OPCML: variants seen among roughly 807,000 people sequenced by gnomAD.
OPCML encodes opioid binding protein/cell adhesion molecule like.
OPCML carries 13 observed loss-of-function variants against 37.8 expected under a neutral mutation model. The ratio of observed to expected loss-of-function variants is 0.34; its 90% CI spans 0.22 to 0.55. The LOEUF (loss-of-function observed/expected upper bound fraction) is 0.55, where lower values mean the gene tolerates loss of function less well. Ranked by LOEUF, OPCML falls within the 20% of genes least tolerant of loss-of-function variation. OPCML has a pLI of 0.91. For missense variants in OPCML, 341 were observed against 435.6 expected, an observed-to-expected ratio of 0.78 and a Z score of 1.93; for synonymous variants, 176 against 168.8, an observed-to-expected ratio of 1.04 and a Z score of -0.33.
At chr11:133,233,486 A>G (rs1565520157) in intron 1 of OPCML, among the ~76,000 whole-genome samples, 1 of 152,116 alleles carries the variant, frequency 6.6e-6, no homozygotes, top group Non-Finnish European at 1.5e-5. Flanking sequence ...AAACAACCCA[A>G]CTAAAACACC....
chr11:132,809,304 G>A (rs750485295), intron 2 of OPCML, among the ~76,000 whole-genome samples: 1 of 152,182 alleles, frequency 6.6e-6, no homozygotes, highest in Non-Finnish European at 1.5e-5. Flanking sequence ...AGACAGAGGA[G>A]AGCAGTGAGC....
chr11:132,541,556 A>G (rs1392094688), intron 3 of OPCML, among the ~76,000 whole-genome samples: 3 of 151,358 alleles, frequency 2.0e-5, no homozygotes, highest in African/African-American at 7.3e-5. Flanking sequence ...ATTTATTGAG[A>G]ACTTAATAAG....
chr11:132,570,837 A>G (rs1181111618), intron 3 of OPCML, among the ~76,000 whole-genome samples: 1 of 134,482 alleles, frequency 7.4e-6, no homozygotes, highest in Non-Finnish European at 1.6e-5. Flanking sequence ...TACTTTAGGC[A>G]TGTTGATCAA....
intron 3 of OPCML, among the ~76,000 whole-genome samples, chr11:132,638,311 G>T (rs1186939649): frequency 1.3e-5 from 2 of 151,522 alleles, no homozygotes; most frequent in African/African-American, 2.4e-5. Context: ...GTATTTAATA[G>T]CTATAATAGA....
chr11:133,370,675 T>C (rs1428224469), intron 1 of OPCML, among the ~76,000 whole-genome samples: 3 of 152,044 alleles, frequency 2.0e-5, no homozygotes, highest in Non-Finnish European at 4.4e-5. Flanking sequence ...CAACTCAAGA[T>C]GGTATAAATA....
At chr11:132,647,615 T>C (rs1941221275) in intron 3 of OPCML, among the ~76,000 whole-genome samples, 1 of 152,206 alleles carries the variant, frequency 6.6e-6, no homozygotes, top group African/African-American at 2.4e-5. Flanking sequence ...ATATTTACTG[T>C]TCATTAAGTG....
chr11:132,435,034 G>T (rs1441355451), intron 7 of OPCML: 4 of 478,726 alleles, frequency 8.4e-6, no homozygotes, highest in South Asian at 6.5e-5. Context: ...GCCCCTTGAG[G>T]TCTATCTACC....
At chr11:133,304,185 G>A (rs879330752) in intron 1 of OPCML, among the ~76,000 whole-genome samples, 1 of 152,182 alleles carries the variant, frequency 6.6e-6, no homozygotes, top group Admixed American at 6.5e-5. Flanking sequence ...TCTAGCATGG[G>A]TAGGCCCATA....
At chr11:132,657,406 C>T in intron 2 of OPCML, 87 bp from the exon 3 acceptor site, 4 of 1,494,090 alleles carry the variant, frequency 2.7e-6, no homozygotes, top group Non-Finnish European at 3.6e-6. Flanking sequence ...TAAGACGTTG[C>T]ATTTTGAGGA....
chr11:133,479,811 A>C (rs6590712), intron 1 of OPCML, among the ~76,000 whole-genome samples: 57,268 of 151,980 alleles, frequency 0.38, 15,942 homozygotes, highest in African/African-American at 0.79. Flanking sequence ...TATCTTTGGA[A>C]TCCACCCCCA....
intron 2 of OPCML, among the ~76,000 whole-genome samples, chr11:132,900,883 T>G (rs550111696): frequency 6.6e-6 from 1 of 152,288 alleles, no homozygotes; most frequent in South Asian, 2.1e-4. Context: ...CACTTCAGTT[T>G]GTGTTATTAT....
intron 4 of OPCML, among the ~76,000 whole-genome samples, chr11:132,496,961 C>CTT (rs2096233192): frequency 6.6e-6 from 1 of 152,028 alleles, no homozygotes; most frequent in Non-Finnish European, 1.5e-5. Flanking sequence ...AATTTAAAAG[C>CTT]CTAACAATGA....
Position 133,528,131 on chromosome 11 carries a change from C to G in OPCML, c.61+4133G>C, listed in dbSNP as rs959259900. On this transcript the variant is annotated intron_variant, in intron 1 of 7. Coordinates refer to ENST00000524381, the MANE Select transcript of OPCML (RefSeq NM_001012393.5). ...CGAGGGAACATGGGAGAACCTCAAG[C>G]CCGTCGGGATCTCTGATTAATCTCA... Among the ~76,000 whole-genome samples, 7 of 152,362 alleles carry G rather than the reference C, an allele frequency of 4.6e-5. No homozygotes were observed. The South Asian group carries it at 1.0e-3, about 23-fold the overall frequency.
At chr11:132,949,948 C>T (rs1301210382) in intron 1 of OPCML, among the ~76,000 whole-genome samples, 2 of 152,092 alleles carry the variant, frequency 1.3e-5, no homozygotes, top group African/African-American at 2.4e-5. Flanking sequence ...CCAGGGGAAG[C>T]CTCTCTGAAG....
chr11:132,723,954 G>A (rs901322878), intron 2 of OPCML, among the ~76,000 whole-genome samples: 3 of 152,188 alleles, frequency 2.0e-5, no homozygotes, highest in African/African-American at 4.8e-5. Flanking sequence ...TGGCCATGTG[G>A]GGTTCTTAAG....
rs78344177 is a variant in OPCML, at chr11:133,146,157, G to A, written c.62-203147C>T. On this transcript the variant is annotated intron_variant, in intron 1 of 7. Transcript: ENST00000524381. ...TCAGCCTTTGTGGGACTGTGGCTGC[G>A]TAAAAGAGAAATGGGGCTACTAATC... 6.2e-3 allele frequency among the ~76,000 whole-genome samples: 938 copies of A among 152,186 alleles called. 9 individuals are homozygous for A. The highest frequency in any genetic ancestry group is 0.021 in the African/African-American group (890 of 41,520).
intron 4 of OPCML, among the ~76,000 whole-genome samples, chr11:132,444,122 C>G (rs892452089): frequency 6.6e-6 from 1 of 152,118 alleles, no homozygotes; most frequent in Non-Finnish European, 1.5e-5. Flanking sequence ...AGGTATCAGG[C>G]CAGGGAGGGG....
chr11:133,234,384 C>T (rs1390879351), intron 1 of OPCML, among the ~76,000 whole-genome samples: 2 of 152,206 alleles, frequency 1.3e-5, no homozygotes, highest in Non-Finnish European at 2.9e-5. Context: ...GGCAGGACCA[C>T]AGCAGTCAGT....
At chr11:133,204,186 G>C (rs577491465) in intron 1 of OPCML, among the ~76,000 whole-genome samples, 2 of 147,054 alleles carry the variant, frequency 1.4e-5, no homozygotes, top group African/African-American at 5.0e-5. Flanking sequence ...GAAAATAAAA[G>C]AACAAGAAAT....
Sources: gnomAD v4.1 joint callset for allele counts (sites outside exome capture counted in the v4.1 genomes callset) on GRCh38, gnomAD v4.1.1 for gene constraint, MANE v1.5 for transcripts, NCBI Gene and HGNC (gene_info 2026-07-23, HGNC 2026-07-21) for gene names.